KIF24: variants seen among roughly 807,000 people sequenced by gnomAD.
KIF24 encodes kinesin family member 24.
KIF24 carries 81 observed loss-of-function variants against 118.9 expected under a neutral mutation model. The observed-to-expected ratio is 0.68, with a 90% confidence interval of 0.57 to 0.82. The LOEUF (loss-of-function observed/expected upper bound fraction) is 0.82, where lower values mean the gene tolerates loss of function less well. Ranked by LOEUF, KIF24 falls within the 40% of genes least tolerant of loss-of-function variation. The pLI, the probability that KIF24 is intolerant of heterozygous loss-of-function variation, is 0.00. For synonymous variants in KIF24, 599 were observed against 610.0 expected, an observed-to-expected ratio of 0.98 and a Z score of 0.27; for missense variants, 1,560 against 1,661.6, an observed-to-expected ratio of 0.94 and a Z score of 1.06.
intron 1 of KIF24, chr9:34,319,729 G>A: frequency 3.0e-6 from 2 of 658,856 alleles, no homozygotes; most frequent in South Asian, 3.0e-5. Context: ...CTGGGATTCG[G>A]GGGAGGTGAG....
At chr9:34,322,211 A>G (rs1210525737) in intron 1 of KIF24, among the ~76,000 whole-genome samples, 1 of 152,188 alleles carries the variant, frequency 6.6e-6, no homozygotes, top group African/African-American at 2.4e-5. Flanking sequence ...TGTCCCCTTT[A>G]GAAGGGCATA....
intron 2 of KIF24, among the ~76,000 whole-genome samples, chr9:34,310,522 C>T (rs1032252285): frequency 7.2e-5 from 11 of 152,126 alleles, no homozygotes; most frequent in African/African-American, 1.9e-4. Context: ...TCATCTTTCT[C>T]CCACCTAGAA....
At chr9:34,317,665 T>C (rs1268185981) in intron 1 of KIF24, among the ~76,000 whole-genome samples, 1 of 152,204 alleles carries the variant, frequency 6.6e-6, no homozygotes, top group African/African-American at 2.4e-5. Flanking sequence ...CCACACTGCA[T>C]AAACTACCCA....
upstream of KIF24, chr9:34,329,500 C>G (rs1006981742): frequency 1.3e-5 from 2 of 152,204 alleles, no homozygotes; most frequent in African/African-American, 4.8e-5. Context: ...ATCCTTCTGC[C>G]GAATTCTATT....
intron 3 of KIF24, among the ~76,000 whole-genome samples, chr9:34,303,165 T>A (rs1162267238): frequency 6.6e-6 from 1 of 152,070 alleles, no homozygotes; most frequent in Non-Finnish European, 1.5e-5. Context: ...TCCTCCTGCT[T>A]TGGCCTCCCA....
chr9:34,316,808 A>G (rs935238547), intron 1 of KIF24, among the ~76,000 whole-genome samples: 2 of 152,218 alleles, frequency 1.3e-5, no homozygotes, highest in Non-Finnish European at 2.9e-5. Flanking sequence ...GCGGTGGCTC[A>G]TGCCTGTAAT....
chr9:34,308,182 G>A (rs1587962636), intron 2 of KIF24, among the ~76,000 whole-genome samples: 1 of 152,158 alleles, frequency 6.6e-6, no homozygotes, highest in Admixed American at 6.5e-5. Context: ...TGCCCAGGCT[G>A]GCCTCGAACT....
At chr9:34,320,198 G>T (rs1837467833) in intron 1 of KIF24, among the ~76,000 whole-genome samples, 1 of 152,078 alleles carries the variant, frequency 6.6e-6, no homozygotes, top group Non-Finnish European at 1.5e-5. Flanking sequence ...GGTCAAGAAT[G>T]GCGTCATGGG....
chr9:34,291,315 G>A (rs911822073), intron 4 of KIF24, among the ~76,000 whole-genome samples: 1 of 152,168 alleles, frequency 6.6e-6, no homozygotes, highest in Non-Finnish European at 1.5e-5. Flanking sequence ...CAGTAGTAAA[G>A]ATGGCAGCAG....
rs754001028 is a variant in KIF24 at position 34,318,812 on chromosome 9, C to A, written c.-25-7441G>T. On this transcript the variant is annotated intron_variant, in intron 1 of 12. Transcript: ENST00000402558. The surrounding 1 kb of genome is among the most constrained non-coding windows in gnomAD (Gnocchi z 4.9). ...GAAGCTGTGCAGTCGCCTGTAGGGA[C>A]CCAGCTCAGTGAGTTTCGCTGATGA... 225 of 1,571,768 alleles carry A rather than the reference C, an allele frequency of 1.4e-4. No individual in the cohort carries two copies. The highest frequency in any genetic ancestry group is 1.9e-4 in the Non-Finnish European group (213 of 1,143,690).
intron 12 of KIF24, among the ~76,000 whole-genome samples, chr9:34,254,781 CTG>C (rs1219130628): frequency 6.6e-6 from 1 of 152,150 alleles, no homozygotes; most frequent in Non-Finnish European, 1.5e-5. Flanking sequence ...AGACTGGTCA[CTG>C]TTAGTCACAG....
chr9:34,276,327 A>C (rs1318217842), intron 6 of KIF24, among the ~76,000 whole-genome samples: 1 of 149,228 alleles, frequency 6.7e-6, no homozygotes, highest in Non-Finnish European at 1.5e-5. Flanking sequence ...GCTTGAACCC[A>C]GGAGGCGGAG....
At chr9:34,288,617 G>A (rs1220822863) in intron 5 of KIF24, among the ~76,000 whole-genome samples, 1 of 150,986 alleles carries the variant, frequency 6.6e-6, no homozygotes, top group East Asian at 1.9e-4. Flanking sequence ...ACAATTAAAT[G>A]GATATATATA....
chr9:34,256,623 G>C lies in KIF24; in HGVS notation c.2984C>G (p.Pro995Arg), dbSNP rs1264603419. The C allele has an allele frequency of 6.8e-6, 11 of 1,613,928 alleles. No homozygotes were observed. Among genetic ancestry groups the C allele is most frequent in the Non-Finnish European group, 9.3e-6 (11 of 1,179,886 alleles). Residue 995 changes from proline to arginine, a missense_variant, in exon 11 of 13, where the codon CCT (proline) becomes CGT (arginine). Transcript: ENST00000402558. ...FTISLSHVAVPGSPDQRDTVT... is the reference protein window; with the variant it reads ...FTISLSHVAVRGSPDQRDTVT... ...TGTGTCTCTTTGGTCTGGGGATCCA[G>C]GAACTGCAACGTGGGACAATGAGAT...
intron 3 of KIF24, among the ~76,000 whole-genome samples, chr9:34,299,760 C>T (rs1157677022): frequency 6.6e-6 from 1 of 151,078 alleles, no homozygotes; most frequent in Non-Finnish European, 1.5e-5. Flanking sequence ...AACTAACATG[C>T]AATAATATAT....
intron 1 of KIF24, among the ~76,000 whole-genome samples, chr9:34,312,100 T>C (rs993263761): frequency 6.6e-6 from 1 of 152,166 alleles, no homozygotes; most frequent in Non-Finnish European, 1.5e-5. Flanking sequence ...AAGATAGCAT[T>C]TGCATTTGCT....
intron 4 of KIF24, among the ~76,000 whole-genome samples, chr9:34,292,785 T>G (rs769118896): frequency 6.6e-6 from 1 of 152,004 alleles, no homozygotes; most frequent in South Asian, 2.1e-4. Flanking sequence ...AGAGGCGGAG[T>G]TGGGAAATGA....
rs748921647 is a variant in KIF24 at position 34,311,190 on chromosome 9, G to A, written c.157C>T (p.Arg53Cys). ...ATAATTTTGATAAGTTGGAAGAGAC[G>A]TTTGCGGTCGTTCATGTCATGGACT... is the stretch of plus-strand genomic sequence containing the variant. ...LGVHDMNDRKRLFQLIKIIKI... is the reference protein window; with the variant it reads ...LGVHDMNDRKCLFQLIKIIKI... The change falls in exon 2 of 13, where the codon CGT (arginine) becomes TGT (cysteine). Residue 53 changes from arginine to cysteine, a missense_variant. Arg to Cys is a radical substitution (Grantham distance 180). This residue lies in a region of KIF24 where 964 missense variants were observed against 988.0 expected (regional missense o/e 0.98). Transcript: ENST00000402558. The A allele has an allele frequency of 1.9e-5, 30 of 1,613,136 alleles. No homozygotes were observed. Among genetic ancestry groups the A allele is most frequent in the Admixed American group, 1.0e-4 (6 of 59,924 alleles).
chr9:34,319,497 G>T, intron 1 of KIF24: 1 of 1,294,556 alleles, frequency 7.7e-7, no homozygotes, highest in South Asian at 1.2e-5. Context: ...CAACTCCTTT[G>T]ACCAGGACAT....
Sources: allele counts gnomAD v4.1 joint callset (sites outside exome capture counted in the v4.1 genomes callset), GRCh38; gene constraint gnomAD v4.1.1; regional missense constraint gnomAD v4.1.1; non-coding constraint Gnocchi (gnomAD v3.1); transcripts MANE v1.5; gene names NCBI Gene and HGNC (gene_info 2026-07-23, HGNC 2026-07-21).